GNAZ: variants seen among roughly 807,000 people sequenced by gnomAD.
GNAZ encodes the protein guanine nucleotide-binding protein G(z) subunit alpha.
In GNAZ, 3 loss-of-function variants were observed where a neutral mutation model predicts 25.4. The observed-to-expected ratio is 0.12, with a 90% CI of 0.05 to 0.30. The LOEUF (loss-of-function observed/expected upper bound fraction) is 0.30. Ranked by LOEUF, GNAZ falls within the 10% of genes least tolerant of loss-of-function variation. The probability of loss-of-function intolerance (pLI) is 1.00; values close to 1 mark genes in which losing one functional copy is unlikely to be tolerated. For missense variants in GNAZ, 241 were observed against 501.8 expected, an observed-to-expected ratio of 0.48 and a Z score of 4.97; for synonymous variants, 211 against 205.7, an observed-to-expected ratio of 1.03 and a Z score of -0.22.
At chr22:23,110,384 C>T (rs1043873380) in intron 2 of GNAZ, among the ~76,000 whole-genome samples, 3 of 152,198 alleles carry the variant, frequency 2.0e-5, no homozygotes, top group Admixed American at 6.5e-5. Flanking sequence ...GTGACAAGAG[C>T]GAGCCACGTT....
chr22:23,101,378 G>A (rs2069299836), intron 2 of GNAZ, among the ~76,000 whole-genome samples: 1 of 152,196 alleles, frequency 6.6e-6, no homozygotes, highest in Admixed American at 6.5e-5. Flanking sequence ...TGGGGGTATA[G>A]ACTGGGTTCC....
At chr22:23,115,217 C>A (rs977313116) in intron 2 of GNAZ, among the ~76,000 whole-genome samples, 8 of 152,144 alleles carry the variant, frequency 5.3e-5, no homozygotes, top group African/African-American at 1.9e-4. Flanking sequence ...ACTGGCATCA[C>A]CCACCTATTC....
intron 1 of GNAZ, among the ~76,000 whole-genome samples, chr22:23,082,305 C>T (rs1205019823): frequency 6.6e-6 from 1 of 151,430 alleles, no homozygotes. Context: ...CAACCTCCGC[C>T]TCCCAGGTTC....
intron 1 of GNAZ, among the ~76,000 whole-genome samples, chr22:23,078,234 A>G (rs554276619): frequency 6.6e-6 from 1 of 152,320 alleles, no homozygotes; most frequent in South Asian, 2.1e-4. Context: ...AAATAATTAG[A>G]GTGTTGCCTC....
chr22:23,082,508 C>T (rs780630573), intron 1 of GNAZ, among the ~76,000 whole-genome samples: 3 of 151,858 alleles, frequency 2.0e-5, no homozygotes, highest in South Asian at 4.1e-4. Flanking sequence ...CATGAGCCAC[C>T]GCGCCCGGCC....
At chr22:23,087,555 A>C (rs2068852912) in intron 1 of GNAZ, among the ~76,000 whole-genome samples, 1 of 152,228 alleles carries the variant, frequency 6.6e-6, no homozygotes, top group Non-Finnish European at 1.5e-5. Flanking sequence ...GAGAAAGAGT[A>C]ATTCATGAAG....
intron 1 of GNAZ, among the ~76,000 whole-genome samples, chr22:23,092,403 A>G (rs1042213072): frequency 1.3e-5 from 2 of 151,854 alleles, no homozygotes; most frequent in African/African-American, 4.8e-5. Flanking sequence ...CCCAAACACA[A>G]CACAGCCCCA....
intron 1 of GNAZ, among the ~76,000 whole-genome samples, chr22:23,076,170 T>C (rs895018954): frequency 1.3e-5 from 2 of 152,204 alleles, no homozygotes; most frequent in Non-Finnish European, 2.9e-5. Context: ...AACAGCGCCA[T>C]GTTCCTGACC....
intron 1 of GNAZ, among the ~76,000 whole-genome samples, chr22:23,072,051 G>C (rs556588740): frequency 6.6e-6 from 1 of 152,286 alleles, no homozygotes; most frequent in South Asian, 2.1e-4. Context: ...ATGACCCCAT[G>C]AGCTGGGGTG....
In GNAZ at chr22:23,123,397, T is replaced by A; in HGVS notation, c.1034T>A (p.Ile345Lys). The A allele has an allele frequency of 6.2e-7, 1 of 1,613,810 alleles. No individual in the cohort carries two copies. Among genetic ancestry groups the A allele is most frequent in the Non-Finnish European group, 8.5e-7 (1 of 1,179,858 alleles). The change falls in exon 3 of 3, where the codon ATA becomes AAA. Residue 345 changes from isoleucine (I) to lysine (K), a missense_variant. Transcript: ENST00000615612. Reference sequence around the variant, plus strand: ...TTCGACGCGGTGACAGACGTCATCATACAGAACAATCTCAAGTACATTGGC... The same window carrying A: ...TTCGACGCGGTGACAGACGTCATCAAACAGAACAATCTCAAGTACATTGGC... ...FVFDAVTDVI[I>K]QNNLKYIGLC
chr22:23,117,187 G>T (rs1450358654), intron 2 of GNAZ, among the ~76,000 whole-genome samples: 1 of 152,074 alleles, frequency 6.6e-6, no homozygotes, highest in Non-Finnish European at 1.5e-5. Flanking sequence ...ACTTGGGGCT[G>T]TTCTGTGCCC....
In GNAZ at chr22:23,095,405, C is replaced by A; in HGVS notation, c.-291C>A. The A allele has an allele frequency of 2.5e-6, 1 of 398,178 alleles. No homozygotes were observed. Among genetic ancestry groups the A allele is most frequent in the Non-Finnish European group, 4.6e-6 (1 of 219,422 alleles). 24.7% of individuals were successfully genotyped at this position (398,178 alleles called of 1,614,324 possible). A position where few individuals can be genotyped will look rare whatever the true frequency, so the allele number is the denominator to read the frequency against. ...CAAACACAAGCGGACGGCTTCCCAC[C>A]GTCGCCGAGGACAGGGAATGACTAC... On this transcript the variant is annotated 5_prime_UTR_variant, in exon 2 of 3. Coordinates refer to ENST00000615612, the MANE Select transcript of GNAZ (RefSeq NM_002073.4).
chr22:23,109,565 G>A (rs922637741), intron 2 of GNAZ, among the ~76,000 whole-genome samples: 1 of 152,194 alleles, frequency 6.6e-6, no homozygotes, highest in African/African-American at 2.4e-5. Flanking sequence ...GGCTGGGCCA[G>A]GAGGATGAAC....
intron 1 of GNAZ, among the ~76,000 whole-genome samples, chr22:23,074,757 G>A (rs559281931): frequency 6.6e-6 from 1 of 152,288 alleles, no homozygotes; most frequent in South Asian, 2.1e-4. Flanking sequence ...GGCGCCTCGG[G>A]AGGCTGGAGA....
intron 1 of GNAZ, among the ~76,000 whole-genome samples, chr22:23,093,521 T>C (rs2069045885): frequency 6.6e-6 from 1 of 152,188 alleles, no homozygotes; most frequent in South Asian, 2.1e-4. Flanking sequence ...AGCTGAGGGC[T>C]GCTATGGAGG....
At chr22:23,118,129 T>C (rs988439391) in intron 2 of GNAZ, among the ~76,000 whole-genome samples, 3 of 152,296 alleles carry the variant, frequency 2.0e-5, no homozygotes, top group South Asian at 2.1e-4. Flanking sequence ...GCAAGTCTAT[T>C]TGGACCTGTC....
chr22:23,092,770 A>G (rs1422874993), intron 1 of GNAZ, among the ~76,000 whole-genome samples: 1 of 152,336 alleles, frequency 6.6e-6, no homozygotes, highest in South Asian at 2.1e-4. Context: ...CCCAAAGCAC[A>G]AATCACACAT....
chr22:23,119,976 C>T (rs918489888), intron 2 of GNAZ, among the ~76,000 whole-genome samples: 4 of 152,276 alleles, frequency 2.6e-5, no homozygotes, highest in East Asian at 1.9e-4. Flanking sequence ...GAAATGCCTG[C>T]AAAGCAAGGG....
intron 1 of GNAZ, among the ~76,000 whole-genome samples, chr22:23,093,558 C>T (rs558857478): frequency 3.3e-5 from 5 of 152,300 alleles, no homozygotes; most frequent in African/African-American, 1.2e-4. Context: ...AGGTGACGCT[C>T]ACAGCGACAA....
Sources: allele counts gnomAD v4.1 joint callset (sites outside exome capture counted in the v4.1 genomes callset), GRCh38; gene constraint gnomAD v4.1.1; transcripts MANE v1.5; gene names NCBI Gene and HGNC (gene_info 2026-07-23, HGNC 2026-07-21).